PTPN21: variants seen among roughly 807,000 people sequenced by gnomAD.
The protein encoded by PTPN21 is protein tyrosine phosphatase non-receptor type 21.
A neutral mutation model predicts 131.8 loss-of-function variants in PTPN21; 77 were observed. The observed-to-expected ratio is 0.58, with a 90% confidence interval of 0.49 to 0.71. The LOEUF is 0.71. Among genes scored for constraint, PTPN21 ranks in the 30% least tolerant of loss-of-function variants. The pLI, the probability that PTPN21 is intolerant of heterozygous loss-of-function variation, is 0.00. For missense variants in PTPN21, 1,552 were observed against 1,527.1 expected (o/e 1.02, Z -0.27); for synonymous variants, 715 against 621.3 (o/e 1.15, Z -2.24).
At position 88,542,683 on chromosome 14, in the gene PTPN21, C is replaced by G. The variant is rs988933303; in HGVS notation, c.180+7555G>C. Among the ~76,000 whole-genome samples the G allele has an allele frequency of 2.5e-4, 38 of 152,198 alleles. 1 individual carries two copies. Among genetic ancestry groups the G allele is most frequent in the Admixed American group, 2.4e-3 (37 of 15,282 alleles). ...CCTCCATGTTTGTATGTGTAATTTC[C>G]ATACTTATTTATATGGCTAATTCTT... On this transcript the variant is annotated intron_variant, in intron 2 of 18. Transcript: ENST00000556564.
chr14:88,474,648 G>A (rs1024401533), intron 13 of PTPN21, among the ~76,000 whole-genome samples: 7 of 151,914 alleles, frequency 4.6e-5, no homozygotes, highest in South Asian at 2.1e-4. Flanking sequence ...CTCTCAGAAC[G>A]GCTACGTTTT....
chr14:88,470,627 G>A (rs904561487), intron 15 of PTPN21, among the ~76,000 whole-genome samples: 3 of 152,180 alleles, frequency 2.0e-5, no homozygotes, highest in East Asian at 1.9e-4. Context: ...ATTGAGTGAC[G>A]ACAATAACTG....
intron 4 of PTPN21, among the ~76,000 whole-genome samples, chr14:88,507,020 G>A (rs1394029670): frequency 6.6e-6 from 1 of 151,956 alleles, no homozygotes; most frequent in African/African-American, 2.4e-5. Flanking sequence ...CTGCACTCCA[G>A]CCTGGTCCAT....
intron 14 of PTPN21, among the ~76,000 whole-genome samples, chr14:88,473,268 A>C (rs2077498941): frequency 6.6e-6 from 1 of 152,182 alleles, no homozygotes; most frequent in Non-Finnish European, 1.5e-5. Context: ...TCAGGCACAA[A>C]GGAAGTTTTG....
chr14:88,527,799 A>G (rs1011563632), intron 2 of PTPN21, among the ~76,000 whole-genome samples: 3 of 152,150 alleles, frequency 2.0e-5, no homozygotes, highest in African/African-American at 7.2e-5. Context: ...CTTAGGTATA[A>G]GTCTTTGATC....
intron 12 of PTPN21, among the ~76,000 whole-genome samples, chr14:88,483,379 G>T (rs2077681847): frequency 6.6e-6 from 1 of 152,018 alleles, no homozygotes; most frequent in Non-Finnish European, 1.5e-5. Context: ...GAAGTGGGAG[G>T]GGCCGGGATT....
intron 2 of PTPN21, among the ~76,000 whole-genome samples, chr14:88,522,326 G>T (rs899158310): frequency 6.6e-6 from 1 of 151,350 alleles, no homozygotes; most frequent in Non-Finnish European, 1.5e-5. Flanking sequence ...TACTCAGGAG[G>T]CTGAGACAAG....
At position 88,479,420 on chromosome 14, in the gene PTPN21, C is replaced by CCGAGACGG. The variant is rs1566812850; in HGVS notation, c.2003_2010dup (p.Val671ProfsTer26). 19 of 1,602,708 alleles carry CCGAGACGG rather than the reference C, an allele frequency of 1.2e-5. No homozygotes were observed. Among genetic ancestry groups the CCGAGACGG allele is most frequent in the Non-Finnish European group, 1.6e-5 (19 of 1,178,608 alleles). On this transcript the variant is annotated frameshift_variant, in exon 13 of 19. Coordinates refer to ENST00000556564, the MANE Select transcript of PTPN21 (RefSeq NM_007039.4). LOFTEE classifies it high-confidence loss of function. ...GTGAAAACGCTGGGCTGGGAGCCCA[C>CCGAGACGG]CGAGACGGCTCGCGGCGCCACCTCT...
rs1169315594 is a variant in PTPN21 at position 88,478,873 on chromosome 14, G to A, written c.2511+47C>T. The A allele has an allele frequency of 6.1e-6, 8 of 1,316,678 alleles. No individual in the cohort carries two copies. In the East Asian group the frequency reaches 2.2e-4, roughly 35 times the overall value. 81.6% of individuals were successfully genotyped at this position (1,316,678 alleles called of 1,614,324 possible). On this transcript the variant is annotated intron_variant, in intron 13 of 18. Transcript: ENST00000556564. ...CGTGATGAGTGAAAGAAGCGCCAGG[G>A]CGAACGCGCGGTCCCCTGGCCCGGC...
intron 10 of PTPN21, among the ~76,000 whole-genome samples, chr14:88,495,377 A>G (rs913081476): frequency 1.3e-5 from 2 of 151,900 alleles, no homozygotes; most frequent in African/African-American, 4.8e-5. Flanking sequence ...GAGCTCAAGG[A>G]GGGCCGGGCA....
chr14:88,524,648 T>C (rs1299959678), intron 2 of PTPN21, among the ~76,000 whole-genome samples: 2 of 152,214 alleles, frequency 1.3e-5, no homozygotes, highest in African/African-American at 4.8e-5. Context: ...GGCTGATGCC[T>C]GTAATCCTAG....
chr14:88,538,083 G>C (rs965768311), intron 2 of PTPN21, among the ~76,000 whole-genome samples: 3 of 152,216 alleles, frequency 2.0e-5, no homozygotes, highest in Non-Finnish European at 4.4e-5. Flanking sequence ...GGATAATTGA[G>C]ATGTTACTGC....
chr14:88,533,237 T>C (rs2078578571), intron 2 of PTPN21, among the ~76,000 whole-genome samples: 1 of 152,214 alleles, frequency 6.6e-6, no homozygotes, highest in Non-Finnish European at 1.5e-5. Flanking sequence ...CTGCTGTTAT[T>C]TGTTTTTTGA....
rs1053414306 is a variant in PTPN21, at chr14:88,554,981, AGCAGCGGGGCGGCCGGG to A, written c.-550_-534del. Among the ~76,000 whole-genome samples, 3 of 88,516 alleles carry A rather than the reference AGCAGCGGGGCGGCCGGG, an allele frequency of 3.4e-5. No homozygotes were observed. The highest frequency in any genetic ancestry group is 8.1e-5 in the Non-Finnish European group (3 of 37,040). 58.1% of individuals were successfully genotyped at this position (88,516 alleles called of 152,430 possible). A position where few individuals can be genotyped will look rare whatever the true frequency, so the allele number is the denominator to read the frequency against. On this transcript the variant is annotated 5_prime_UTR_variant, in exon 1 of 19. Coordinates refer to ENST00000556564, the MANE Select transcript of PTPN21 (RefSeq NM_007039.4). ...GGACCGACGCGGGACGCGCGGCCGGAGCAGCGGGGCGGCCGGGCCCAGGCGTCCCTCCCCCTGAGCCG... is the reference window on the plus strand; with the variant it reads ...GGACCGACGCGGGACGCGCGGCCGGACCCAGGCGTCCCTCCCCCTGAGCCG...
chr14:88,536,792 T>G (rs1445650733), intron 2 of PTPN21, among the ~76,000 whole-genome samples: 4 of 152,198 alleles, frequency 2.6e-5, no homozygotes, highest in African/African-American at 9.6e-5. Flanking sequence ...GATGCCTTTC[T>G]TAGACTAGGC....
chr14:88,486,008 T>G (rs986272313), intron 10 of PTPN21, among the ~76,000 whole-genome samples, 166 bp from the exon 11 acceptor site: 1 of 152,164 alleles, frequency 6.6e-6, no homozygotes, highest in Non-Finnish European at 1.5e-5. Flanking sequence ...TGTCGGCCCG[T>G]GGGGCCTCAG....
At chr14:88,501,402 G>T in intron 6 of PTPN21, 34 bp from the exon 7 acceptor site, 1 of 1,557,020 alleles carries the variant, frequency 6.4e-7, no homozygotes, top group Non-Finnish European at 8.9e-7. Flanking sequence ...TGTTCACAAA[G>T]CAAGCTTAAA....
At position 88,485,176 on chromosome 14, in the gene PTPN21, T is replaced by G; in HGVS notation, c.994-16A>C. ...GGGGTTTAGGCTAAGAAATGGAGAG[T>G]TTGACACAGGGTTGAAACACATTGC... On this transcript the variant is annotated splice_polypyrimidine_tract_variant and intron_variant, in intron 11 of 18. Transcript: ENST00000556564. 6.5e-7 allele frequency: 1 copy of G among 1,527,778 alleles called. No homozygotes were observed. The highest frequency in any genetic ancestry group is 1.8e-5 in the Admixed American group (1 of 55,702). 94.6% of individuals were successfully genotyped at this position (1,527,778 alleles called of 1,614,324 possible). A position where few individuals can be genotyped will look rare whatever the true frequency, so the allele number is the denominator to read the frequency against.
intron 13 of PTPN21, among the ~76,000 whole-genome samples, chr14:88,477,768 G>A (rs1399441135): frequency 6.6e-6 from 1 of 152,136 alleles, no homozygotes; most frequent in East Asian, 1.9e-4. Context: ...GGCATGAGGA[G>A]TGGAGATGTG....
Sources: gnomAD v4.1 joint callset for allele counts (sites outside exome capture counted in the v4.1 genomes callset) on GRCh38, gnomAD v4.1.1 for gene constraint, MANE v1.5 for transcripts, NCBI Gene and HGNC (gene_info 2026-07-23, HGNC 2026-07-21) for gene names.